CLVS2: variants seen among roughly 807,000 people sequenced by gnomAD.
CLVS2 encodes the protein clavesin 2.
In CLVS2, 19 loss-of-function variants were observed where a neutral mutation model predicts 29.0. The observed-to-expected ratio is 0.66, with a 90% CI of 0.46 to 0.96. The LOEUF (loss-of-function observed/expected upper bound fraction) is 0.96, where lower values mean the gene tolerates loss of function less well. CLVS2 is among the 40% of genes least tolerant of loss of function. CLVS2 has a pLI of 0.00. For synonymous variants in CLVS2, 161 were observed against 151.3 expected (o/e 1.06, Z -0.47); for missense variants, 294 against 404.1 (o/e 0.73, Z 2.34).
intron 3 of CLVS2, among the ~76,000 whole-genome samples, chr6:123,046,438 T>A (rs977009659): frequency 2.0e-5 from 3 of 151,788 alleles, no homozygotes; most frequent in African/African-American, 7.3e-5. Context: ...GGTGGGCGAG[T>A]CACCTGAGGT....
intron 2 of CLVS2, among the ~76,000 whole-genome samples, chr6:123,005,633 G>T (rs1281752815): frequency 6.6e-6 from 1 of 152,160 alleles, no homozygotes; most frequent in Non-Finnish European, 1.5e-5. Flanking sequence ...GAGATGCTGA[G>T]AACCCCAGCA....
intron 3 of CLVS2, 106 bp downstream of exon 3, chr6:123,011,265 A>G: frequency 1.3e-6 from 1 of 793,300 alleles, no homozygotes. Context: ...CAAAAACAAA[A>G]AAAATCTGTA....
In CLVS2 at chr6:123,067,468, T is replaced by G. The variant is rs1380980227; in HGVS notation, c.*3707T>G. 6.6e-6 allele frequency: 1 copy of G among 151,756 alleles called. No homozygotes were observed. The highest frequency in any genetic ancestry group is 1.9e-4 in the East Asian group (1 of 5,188). The allele number at this position is 151,756 out of a possible 1,614,324, so 9.4% of individuals were successfully genotyped here. ...TCTTCTGTTGTTTTATTTAAAGGTC[T>G]GCCTTGTGTGGTTGGTGAATAATAT... On this transcript the variant is annotated 3_prime_UTR_variant, in exon 6 of 6. Coordinates refer to ENST00000275162, the MANE Select transcript of CLVS2 (RefSeq NM_001010852.4).
At chr6:123,054,716 G>A (rs774853806) in intron 4 of CLVS2, among the ~76,000 whole-genome samples, 1 of 152,092 alleles carries the variant, frequency 6.6e-6, no homozygotes, top group Non-Finnish European at 1.5e-5. Context: ...CAACAGTGTT[G>A]TAGCAGAGAA....
intron 3 of CLVS2, among the ~76,000 whole-genome samples, chr6:123,013,700 T>C (rs1251846918): frequency 6.6e-6 from 1 of 152,000 alleles, no homozygotes; most frequent in African/African-American, 2.4e-5. Context: ...AGGGTACATG[T>C]GCACATTGTG....
chr6:123,013,237 A>AT (rs1188974433), intron 3 of CLVS2, among the ~76,000 whole-genome samples: 1 of 151,988 alleles, frequency 6.6e-6, no homozygotes, highest in African/African-American at 2.4e-5. Context: ...ATGAATAAAC[A>AT]TTTTTTTCAA....
At chr6:123,010,871 C>A in intron 2 of CLVS2, 114 bp from the exon 3 acceptor site, 1 of 620,684 alleles carries the variant, frequency 1.6e-6, no homozygotes, top group Non-Finnish European at 2.6e-6. Context: ...AAAATTATTT[C>A]CTTAAGATTC....
chr6:123,012,772 A>G (rs1190173606), intron 3 of CLVS2, among the ~76,000 whole-genome samples: 1 of 151,954 alleles, frequency 6.6e-6, no homozygotes, highest in Non-Finnish European at 1.5e-5. Context: ...GCACATTTGG[A>G]GCTGCCTTCT....
intron 2 of CLVS2, among the ~76,000 whole-genome samples, chr6:123,004,055 T>G (rs1266820760): frequency 6.6e-6 from 1 of 152,196 alleles, no homozygotes; most frequent in African/African-American, 2.4e-5. Flanking sequence ...ATTCCATCTA[T>G]GGTTTAGAAA....
rs189899914 is a variant in CLVS2, at chr6:123,072,743, G to A, written c.*8982G>A. On this transcript the variant is annotated 3_prime_UTR_variant, in exon 6 of 6. Coordinates refer to ENST00000275162, the MANE Select transcript of CLVS2 (RefSeq NM_001010852.4). ...CTAAGGGTATGTTCCTTGGTAAATT[G>A]TGTTAATTATGTCCACTTTATAATG... 1.3e-5 allele frequency: 2 copies of A among 152,012 alleles called. No homozygotes were observed. Among genetic ancestry groups the A allele is most frequent in the Non-Finnish European group, 1.5e-5 (1 of 67,958 alleles). The allele number at this position is 152,012 out of a possible 1,614,324, so 9.4% of individuals were successfully genotyped here.
intron 2 of CLVS2, among the ~76,000 whole-genome samples, chr6:123,001,383 C>T (rs1774587373): frequency 6.6e-6 from 1 of 151,986 alleles, no homozygotes; most frequent in Admixed American, 6.6e-5. Context: ...TACAGTGTAC[C>T]CACCTTCTAA....
chr6:123,029,942 C>T (rs948138101), intron 3 of CLVS2, among the ~76,000 whole-genome samples: 1 of 152,158 alleles, frequency 6.6e-6, no homozygotes, highest in East Asian at 1.9e-4. Flanking sequence ...TCTCATGCAT[C>T]GTCCTACGTG....
intron 2 of CLVS2, among the ~76,000 whole-genome samples, chr6:123,010,652 G>A (rs1266171345): frequency 2.0e-5 from 3 of 151,930 alleles, no homozygotes; most frequent in African/African-American, 7.2e-5. Context: ...ATTACTGAAG[G>A]CATTCTTGAA....
At chr6:123,033,065 A>C (rs536626312) in intron 3 of CLVS2, among the ~76,000 whole-genome samples, 1 of 151,934 alleles carries the variant, frequency 6.6e-6, no homozygotes, top group Admixed American at 6.6e-5. Context: ...TGTATGGTTT[A>C]TCATTTTCAT....
intron 5 of CLVS2, among the ~76,000 whole-genome samples, chr6:123,058,811 C>T (rs952460916): frequency 2.0e-5 from 3 of 151,968 alleles, no homozygotes; most frequent in African/African-American, 4.8e-5. Context: ...GTCACCATGA[C>T]TAGTTAATTT....
Position 123,070,203 on chromosome 6 carries a change from A to G in CLVS2, c.*6442A>G, listed in dbSNP as rs992650095. The G allele has an allele frequency of 1.3e-5, 2 of 152,070 alleles. 1 individual carries two copies. Among genetic ancestry groups the G allele is most frequent in the Admixed American group, 1.3e-4 (2 of 15,224 alleles). The allele number at this position is 152,070 out of a possible 1,614,324, so 9.4% of individuals were successfully genotyped here. On this transcript the variant is annotated 3_prime_UTR_variant, in exon 6 of 6. Coordinates refer to ENST00000275162, the MANE Select transcript of CLVS2 (RefSeq NM_001010852.4). ...GGCTAATGGATATGGCGGATTTAAC[A>G]TTTACAAAACCAAACTACTTTCACT...
At position 123,063,787 on chromosome 6, in the gene CLVS2, A is replaced by G; in HGVS notation, c.*26A>G. On this transcript the variant is annotated 3_prime_UTR_variant, in exon 6 of 6. Coordinates refer to ENST00000275162, the MANE Select transcript of CLVS2 (RefSeq NM_001010852.4). The stretch of plus-strand genomic sequence containing the variant: ...TAACTTCTCTACATCCCCTTCATGG[A>G]TTAGAAATGGAAAGTATTGGTTTTC... 1 of 1,468,162 alleles carries G rather than the reference A, an allele frequency of 6.8e-7. No homozygotes were observed. Among genetic ancestry groups the G allele is most frequent in the Non-Finnish European group, 9.5e-7 (1 of 1,048,494 alleles). 90.9% of individuals were successfully genotyped at this position (1,468,162 alleles called of 1,614,324 possible).
At chr6:123,012,225 G>A (rs1774758886) in intron 3 of CLVS2, among the ~76,000 whole-genome samples, 1 of 151,922 alleles carries the variant, frequency 6.6e-6, no homozygotes, top group Non-Finnish European at 1.5e-5. Flanking sequence ...GTTAATACAG[G>A]ATGGTAGACA....
rs866387612 is a variant in CLVS2, at chr6:122,997,928, G to A, written c.151G>A (p.Asp51Asn). ...GGACATTGGCTTTCTGCGCACGGATGATGCCTTCATCTTACGCTTCTTGCG... is the reference window on the plus strand; with the variant it reads ...GGACATTGGCTTTCTGCGCACGGATAATGCCTTCATCTTACGCTTCTTGCG... ...RPDIGFLRTDDAFILRFLRAR... is the reference protein window; with the variant it reads ...RPDIGFLRTDNAFILRFLRAR... Residue 51 changes from aspartate (D) to asparagine (N), a missense_variant, in exon 2 of 6, where the codon GAT becomes AAT. Around this residue, in one of 2 missense-constraint regions of CLVS2, gnomAD observed 212 missense variants for 336.4 expected, o/e 0.63. Transcript: ENST00000275162. 1 of 1,614,210 alleles carries A rather than the reference G, an allele frequency of 6.2e-7. No individual in the cohort carries two copies. Among genetic ancestry groups the A allele is most frequent in the Non-Finnish European group, 8.5e-7 (1 of 1,180,038 alleles).
Sources: gnomAD v4.1 joint callset for allele counts (sites outside exome capture counted in the v4.1 genomes callset) on GRCh38, gnomAD v4.1.1 for gene constraint, gnomAD v4.1.1 regional missense constraint, MANE v1.5 for transcripts, NCBI Gene and HGNC (gene_info 2026-07-23, HGNC 2026-07-21) for gene names.